Variants in COL4A6 observed in about 807,000 individuals in gnomAD.
COL4A6 encodes collagen alpha-6(IV) chain.
A neutral mutation model predicts 126.7 loss-of-function variants in COL4A6; 59 were observed. The ratio of observed to expected loss-of-function variants is 0.47; its 90% CI spans 0.38 to 0.58. The LOEUF (loss-of-function observed/expected upper bound fraction) is 0.58, where lower values mean the gene tolerates loss of function less well. Ranked by LOEUF, COL4A6 falls within the 20% of genes least tolerant of loss-of-function variation. The pLI is 0.00. For synonymous variants in COL4A6, 547 were observed against 496.6 expected (o/e 1.10, Z -1.35); for missense variants, 1,285 against 1,337.3 (o/e 0.96, Z 0.61).
intron 2 of COL4A6, among the ~76,000 whole-genome samples, chrX:108,345,154 T>C (rs1432708680): frequency 8.9e-6 from 1 of 111,932 alleles, no homozygotes; most frequent in African/African-American, 3.2e-5. Flanking sequence ...CTACTTGTTT[T>C]TAATCCATAC....
At chrX:108,293,321 T>A (rs1231743838) in intron 3 of COL4A6, among the ~76,000 whole-genome samples, 1 of 111,629 alleles carries the variant, frequency 9.0e-6, no homozygotes, top group Non-Finnish European at 1.9e-5. Context: ...AGATAATTAA[T>A]ACATAATAAA....
rs768220250 is a variant in COL4A6 at position 108,391,308 on chromosome X, C to T, written c.63+46634G>A. Among the ~76,000 whole-genome samples, 23 of 111,902 alleles carry T rather than the reference C, an allele frequency of 2.1e-4. No homozygotes were observed. In the South Asian group the frequency reaches 8.7e-3, roughly 42 times the overall value. On this transcript the variant is annotated intron_variant, in intron 2 of 44. Transcript: ENST00000334504. ...AGCTGCACCCACAGCTGCCCCTTCC[C>T]CCAGGTGCTCTGTCCCAGGGAGATG...
intron 3 of COL4A6, among the ~76,000 whole-genome samples, chrX:108,240,312 T>C (rs760159140): frequency 1.7e-4 from 19 of 112,071 alleles, no homozygotes; most frequent in African/African-American, 6.1e-4. Flanking sequence ...TTGGGAAAAA[T>C]TGACATCTTT....
At chrX:108,410,645 C>T (rs1223549440) in intron 2 of COL4A6, among the ~76,000 whole-genome samples, 1 of 111,209 alleles carries the variant, frequency 9.0e-6, no homozygotes, top group Non-Finnish European at 1.9e-5. Flanking sequence ...AAATAATTTA[C>T]CCCCCTTTCC....
At chrX:108,332,901 T>G (rs1299983643) in intron 2 of COL4A6, among the ~76,000 whole-genome samples, 1 of 111,197 alleles carries the variant, frequency 9.0e-6, no homozygotes, top group African/African-American at 3.3e-5. Context: ...TAGTAATAAA[T>G]TTTTCTCCTA....
intron 2 of COL4A6, among the ~76,000 whole-genome samples, chrX:108,354,461 A>G (rs2039911783): frequency 9.0e-6 from 1 of 111,465 alleles, no homozygotes. Flanking sequence ...TATTACAGGC[A>G]TAATATAGCC....
chrX:108,373,735 T>G (rs1000902755), intron 2 of COL4A6, among the ~76,000 whole-genome samples: 8 of 112,002 alleles, frequency 7.1e-5, no homozygotes, highest in Non-Finnish European at 1.5e-4. Context: ...CCTGTCACCT[T>G]AAGCCCACTT....
At chrX:108,264,467 A>T (rs773103549) in intron 3 of COL4A6, among the ~76,000 whole-genome samples, 1 of 111,540 alleles carries the variant, frequency 9.0e-6, no homozygotes, top group East Asian at 2.8e-4. Context: ...ACTAATACCG[A>T]GTTCACTGAA....
chrX:108,179,469 A>T, intron 25 of COL4A6, 31 bp from the exon 26 acceptor site: 3 of 1,114,203 alleles, frequency 2.7e-6, no homozygotes, highest in Non-Finnish European at 3.6e-6. Context: ...ATAAAAGACC[A>T]TGGCTGTTTA....
At position 108,157,192 on chromosome X, in the gene COL4A6, A is replaced by C. The variant is rs374763127; in HGVS notation, c.4881T>G (p.Phe1627Leu). Residue 1627 changes from phenylalanine (F) to leucine (L), a missense_variant, in exon 45 of 45, where the codon TTT (phenylalanine) becomes TTG (leucine). Coordinates refer to ENST00000334504, the MANE Select transcript of COL4A6 (RefSeq NM_033641.4). The stretch of plus-strand genomic sequence containing the variant: ...TGCATTCGATGAAAGGAGTGGCCCG[A>C]AAGTCCTCTAGGCAGGAGCCAGGTG... ...LVSPGSCLED[F>L]RATPFIECSG... 1.7e-6 allele frequency: 2 copies of C among 1,210,277 alleles called. No individual in the cohort carries two copies. The highest frequency in any genetic ancestry group is 1.7e-5 in the African/African-American group (1 of 57,234).
intron 3 of COL4A6, among the ~76,000 whole-genome samples, chrX:108,276,917 G>A (rs1435624019): frequency 2.7e-5 from 3 of 112,128 alleles, no homozygotes; most frequent in Non-Finnish European, 5.6e-5. Flanking sequence ...TGAGAAAGCT[G>A]GACTAGATTA....
chrX:108,264,397 T>G, intron 3 of COL4A6, among the ~76,000 whole-genome samples: 1 of 111,965 alleles, frequency 8.9e-6, no homozygotes, highest in South Asian at 3.7e-4. Context: ...TGTTCTTGTT[T>G]GTATATCCCA....
intron 6 of COL4A6, among the ~76,000 whole-genome samples, chrX:108,213,087 T>C (rs2035757242): frequency 8.9e-6 from 1 of 111,857 alleles, no homozygotes; most frequent in Admixed American, 9.5e-5. Flanking sequence ...CAAAGTCCTA[T>C]ATGCCAATCT....
At chrX:108,232,363 A>C (rs941625296) in intron 3 of COL4A6, among the ~76,000 whole-genome samples, 6 of 112,032 alleles carry the variant, frequency 5.4e-5, no homozygotes, top group Non-Finnish European at 1.1e-4. Flanking sequence ...AAAAATAAAA[A>C]CAGAACAACT....
chrX:108,319,808 G>T (rs1228250741), intron 2 of COL4A6, among the ~76,000 whole-genome samples: 1 of 112,058 alleles, frequency 8.9e-6, no homozygotes, highest in African/African-American at 3.2e-5. Flanking sequence ...GGGACATGGG[G>T]TAAGAAGTAT....
At chrX:108,252,331 G>GAATA (rs1232094140) in intron 3 of COL4A6, among the ~76,000 whole-genome samples, 2 of 111,849 alleles carry the variant, frequency 1.8e-5, no homozygotes, top group Non-Finnish European at 3.8e-5. Context: ...TTTTATGGCT[G>GAATA]AATAATATTC....
chrX:108,189,921 T>A (rs777108587), intron 20 of COL4A6, among the ~76,000 whole-genome samples: 3 of 112,053 alleles, frequency 2.7e-5, no homozygotes, highest in Admixed American at 1.9e-4. Context: ...CATCTTCCCC[T>A]CAGAGTAAGT....
At position 108,178,805 on chromosome X, in the gene COL4A6, C is replaced by T. The variant is rs781758696; in HGVS notation, c.2394G>A (p.Glu798=). Residue 798 remains glutamate, a synonymous_variant, in exon 27 of 45, where the codon GAG becomes GAA. Coordinates refer to ENST00000334504, the MANE Select transcript of COL4A6 (RefSeq NM_033641.4). ...GTCCTGGTGTCCCAGGGCTGCCCCGCTCACCTTTGGGGCCTAGTAAGCCAG... is the reference window on the plus strand; with the variant it reads ...GTCCTGGTGTCCCAGGGCTGCCCCGTTCACCTTTGGGGCCTAGTAAGCCAG... ...GKPGLLGPKG[E]RGSPGTPGQV... is the part of the protein sequence containing the mutation. The T allele has an allele frequency of 1.4e-5, 17 of 1,209,735 alleles. No homozygotes were observed. In the South Asian group the frequency reaches 2.3e-4, roughly 16 times the overall value.
intron 41 of COL4A6, among the ~76,000 whole-genome samples, chrX:108,162,447 G>A (rs146865564): frequency 0.032 from 2,819 of 87,138 alleles, 80 homozygotes; most frequent in African/African-American, 0.11. Flanking sequence ...AGAGGAAGAC[G>A]AAGAAGAAAA....
Sources: allele counts gnomAD v4.1 joint callset (sites outside exome capture counted in the v4.1 genomes callset), GRCh38; gene constraint gnomAD v4.1.1; transcripts MANE v1.5; gene names NCBI Gene and HGNC (gene_info 2026-07-23, HGNC 2026-07-21).